The following RGS17 variants were observed in gnomAD, a reference collection of about 807,000 sequenced individuals.
RGS17 encodes the protein regulator of G-protein signaling 17.
A neutral mutation model predicts 25.5 loss-of-function variants in RGS17; 12 were observed. The observed-to-expected ratio is 0.47, with a 90% CI of 0.30 to 0.76. The LOEUF is 0.76. RGS17 is among the 30% of genes least tolerant of loss of function. The pLI, the probability that RGS17 is intolerant of heterozygous loss-of-function variation, is 0.07. For missense variants in RGS17, 196 were observed against 242.2 expected (o/e 0.81, Z 1.27); for synonymous variants, 71 against 76.9 (o/e 0.92, Z 0.40).
intron 2 of RGS17, among the ~76,000 whole-genome samples, chr6:153,043,619 T>C (rs1422165722): frequency 6.6e-6 from 1 of 152,184 alleles, no homozygotes. Context: ...TTTTTACCCA[T>C]ATCTTTAAGA....
chr6:153,020,921 A>G (rs1381458087), intron 4 of RGS17, among the ~76,000 whole-genome samples: 2 of 152,194 alleles, frequency 1.3e-5, no homozygotes, highest in Non-Finnish European at 2.9e-5. Flanking sequence ...GGACAGCAGT[A>G]AGGAGGACCA....
chr6:153,081,629 TTTC>T (rs1315076701), intron 1 of RGS17, among the ~76,000 whole-genome samples: 8 of 6,106 alleles, frequency 1.3e-3, no homozygotes, highest in East Asian at 0.062. Flanking sequence ...TCCTTCTTTT[TTTC>T]CCCCTCTTTT....
intron 1 of RGS17, among the ~76,000 whole-genome samples, chr6:153,102,270 C>A (rs2129123652): frequency 6.6e-6 from 1 of 152,172 alleles, no homozygotes; most frequent in South Asian, 2.1e-4. Context: ...GTAAAACAGG[C>A]AAAATTAACA....
At chr6:153,088,535 T>G (rs1777083472) in intron 1 of RGS17, among the ~76,000 whole-genome samples, 1 of 152,220 alleles carries the variant, frequency 6.6e-6, no homozygotes, top group Non-Finnish European at 1.5e-5. Context: ...AATTGTTTCC[T>G]TTTTACATGT....
chr6:153,022,006 G>A (rs1441645642), intron 4 of RGS17, among the ~76,000 whole-genome samples: 2 of 152,116 alleles, frequency 1.3e-5, no homozygotes, highest in South Asian at 2.1e-4. Flanking sequence ...TCAGGACTTC[G>A]AGGGCAGCCT....
intron 1 of RGS17, among the ~76,000 whole-genome samples, chr6:153,077,223 G>A (rs1278918249): frequency 1.3e-5 from 2 of 152,100 alleles, no homozygotes; most frequent in African/African-American, 4.8e-5. Flanking sequence ...GAAACAATAA[G>A]ACATATCAAA....
intron 1 of RGS17, among the ~76,000 whole-genome samples, chr6:153,056,015 C>G (rs1414381920): frequency 1.3e-5 from 2 of 152,148 alleles, no homozygotes; most frequent in African/African-American, 4.8e-5. Context: ...ATGGGAGAAA[C>G]ATGGTTTAAC....
intron 1 of RGS17, among the ~76,000 whole-genome samples, chr6:153,069,142 A>G (rs1413700735): frequency 6.6e-6 from 1 of 152,192 alleles, no homozygotes; most frequent in Non-Finnish European, 1.5e-5. Context: ...TATTGAAGAG[A>G]TATCTGCACT....
At chr6:153,062,029 T>A (rs1225292503) in intron 1 of RGS17, among the ~76,000 whole-genome samples, 4 of 152,104 alleles carry the variant, frequency 2.6e-5, no homozygotes, top group Non-Finnish European at 4.4e-5. Flanking sequence ...AAGGTAAAAA[T>A]TTGTTGGAGA....
intron 1 of RGS17, among the ~76,000 whole-genome samples, chr6:153,129,494 C>A (rs1777753314): frequency 6.6e-6 from 1 of 152,266 alleles, no homozygotes; most frequent in East Asian, 1.9e-4. Flanking sequence ...AGTTGTGAAT[C>A]GAGGAGGAAA....
At chr6:153,110,783 A>G (rs1584162547) in intron 1 of RGS17, among the ~76,000 whole-genome samples, 2 of 152,186 alleles carry the variant, frequency 1.3e-5, no homozygotes, top group Admixed American at 1.3e-4. Context: ...CAGCCCACAG[A>G]GGGCGAGCCG....
At chr6:153,116,993 CCACAA>C (rs1272313425) in intron 1 of RGS17, among the ~76,000 whole-genome samples, 2 of 152,022 alleles carry the variant, frequency 1.3e-5, no homozygotes, top group African/African-American at 2.4e-5. Context: ...TTGATGGGTG[CCACAA>C]ACCACCATGG....
rs1399605714 is a variant in RGS17 at position 153,007,102 on chromosome 6, T to C, written c.*4472A>G. On this transcript the variant is annotated 3_prime_UTR_variant, in exon 5 of 5. Coordinates refer to ENST00000206262, the MANE Select transcript of RGS17 (RefSeq NM_012419.5). ...TTGAATTCATCTGAAAAGATGTTAC[T>C]TGGGGCTGGAGAGGACTACACCTGT... 1 of 152,208 alleles carries C rather than the reference T, an allele frequency of 6.6e-6. No homozygotes were observed. The highest frequency in any genetic ancestry group is 2.4e-5 in the African/African-American group (1 of 41,444). 9.4% of individuals were successfully genotyped at this position (152,208 alleles called of 1,614,324 possible). A position where few individuals can be genotyped will look rare whatever the true frequency, so the allele number is the denominator to read the frequency against.
intron 1 of RGS17, among the ~76,000 whole-genome samples, chr6:153,113,233 T>C (rs1223652525): frequency 6.6e-6 from 1 of 151,852 alleles, no homozygotes; most frequent in Non-Finnish European, 1.5e-5. Context: ...GGAAGAATAT[T>C]TACCAAGCAA....
chr6:153,066,379 A>G lies in RGS17; in HGVS notation c.-25-22336T>C, dbSNP rs1246974865. ...AATAAAAAGTCTCCCTGTAAAAAAA[A>G]GCCTGGGACCTGATGGCTTCACTAC... On this transcript the variant is annotated intron_variant, in intron 1 of 4. Transcript: ENST00000206262. Among the ~76,000 whole-genome samples, 7 of 152,198 alleles carry G rather than the reference A, an allele frequency of 4.6e-5. No individual in the cohort carries two copies. The East Asian group carries it at 1.3e-3, about 29-fold the overall frequency.
At position 153,086,936 on chromosome 6, in the gene RGS17, C is replaced by T. The variant is rs1777060867; in HGVS notation, c.-25-42893G>A. ...TGTGATCTGATAGTAAAAATCAGTT[C>T]ATTACATCATCATTGGGTATTTGAA... On this transcript the variant is annotated intron_variant, in intron 1 of 4. Transcript: ENST00000206262. Among the ~76,000 whole-genome samples, 8 of 152,218 alleles carry T rather than the reference C, an allele frequency of 5.3e-5. No individual in the cohort carries two copies. In the South Asian group the frequency reaches 1.7e-3, roughly 32 times the overall value.
At chr6:153,107,739 C>G (rs1584160686) in intron 1 of RGS17, among the ~76,000 whole-genome samples, 1 of 152,308 alleles carries the variant, frequency 6.6e-6, no homozygotes, top group East Asian at 1.9e-4. Context: ...TGGGTACCTG[C>G]TACGTCTTCT....
At chr6:153,114,173 A>T (rs1777512735) in intron 1 of RGS17, among the ~76,000 whole-genome samples, 1 of 152,174 alleles carries the variant, frequency 6.6e-6, no homozygotes, top group African/African-American at 2.4e-5. Flanking sequence ...AGCAAAATAG[A>T]TAGACTGCTA....
chr6:153,102,216 G>C (rs576942701), intron 1 of RGS17, among the ~76,000 whole-genome samples: 1 of 152,320 alleles, frequency 6.6e-6, no homozygotes, highest in South Asian at 2.1e-4. Context: ...GACAGGAAAT[G>C]GAACATGACA....
Sources: allele counts gnomAD v4.1 joint callset (sites outside exome capture counted in the v4.1 genomes callset), GRCh38; gene constraint gnomAD v4.1.1; transcripts MANE v1.5; gene names NCBI Gene and HGNC (gene_info 2026-07-23, HGNC 2026-07-21).